The following DLG5 variants were observed in gnomAD, a reference collection of about 807,000 sequenced individuals.
The protein encoded by DLG5 is discs large MAGUK scaffold protein 5.
A neutral mutation model predicts 189.8 loss-of-function variants in DLG5; 48 were observed. The ratio of observed to expected loss-of-function variants is 0.25; its 90% CI spans 0.20 to 0.32. DLG5 has a LOEUF of 0.32. DLG5 is among the 10% of genes least tolerant of loss of function. The pLI is 1.00. For synonymous variants in DLG5, 1,016 were observed against 1,054.1 expected, an observed-to-expected ratio of 0.96 and a Z score of 0.70; for missense variants, 2,160 against 2,544.7, an observed-to-expected ratio of 0.85 and a Z score of 3.25.
chr10:77,797,632 G>A (rs910944007), intron 27 of DLG5, among the ~76,000 whole-genome samples: 1 of 152,178 alleles, frequency 6.6e-6, no homozygotes, highest in Admixed American at 6.5e-5. Context: ...TGGAGATGAT[G>A]GGGAGGGCAG....
At chr10:77,908,288 A>G (rs188403918) in intron 1 of DLG5, among the ~76,000 whole-genome samples, 4 of 152,312 alleles carry the variant, frequency 2.6e-5, no homozygotes, top group Non-Finnish European at 5.9e-5. Context: ...CAACTCACAG[A>G]CAGCCAGTCA....
rs1008262705 is a variant in DLG5 at position 77,916,060 on chromosome 10, T to C, written c.304+10157A>G. Among the ~76,000 whole-genome samples, 4 of 148,752 alleles carry C rather than the reference T, an allele frequency of 2.7e-5. No homozygotes were observed. In the East Asian group the frequency reaches 7.9e-4, roughly 29 times the overall value. ...AGTGAGACCTTGTCTCTACTAAAAA[T>C]AAAAAAAAAATTAGCTGGGCATGGT... On this transcript the variant is annotated intron_variant, in intron 1 of 31. Transcript: ENST00000372391.
chr10:77,819,885 G>A lies in DLG5; in HGVS notation c.3526+10C>T. The A allele has an allele frequency of 6.5e-7, 1 of 1,543,340 alleles. No individual in the cohort carries two copies. Among genetic ancestry groups the A allele is most frequent in the Non-Finnish European group, 8.7e-7 (1 of 1,147,854 alleles). On this transcript the variant is annotated intron_variant, in intron 16 of 31. Transcript: ENST00000372391. ...GACCCTCAGCCCCAGCCCCTGGCTG[G>A]CTGACTCACCCACAGACGGCCTGCT...
At chr10:77,798,841 T>C (rs1426293799) in intron 27 of DLG5, among the ~76,000 whole-genome samples, 3 of 152,172 alleles carry the variant, frequency 2.0e-5, no homozygotes, top group Non-Finnish European at 4.4e-5. Flanking sequence ...AATATAGTGC[T>C]TAAAAGAATG....
intron 1 of DLG5, among the ~76,000 whole-genome samples, chr10:77,914,736 G>A (rs959643825): frequency 6.6e-6 from 1 of 151,984 alleles, no homozygotes; most frequent in Non-Finnish European, 1.5e-5. Context: ...ACCTCCCAGG[G>A]GCTCAGCAAA....
rs556893810 is a variant in DLG5, at chr10:77,897,454, A to C, written c.305-28257T>G. 7.2e-5 allele frequency among the ~76,000 whole-genome samples: 11 copies of C among 152,308 alleles called. No individual in the cohort carries two copies. In the South Asian group the frequency reaches 2.1e-3, roughly 29 times the overall value. On this transcript the variant is annotated intron_variant, in intron 1 of 31. Coordinates refer to ENST00000372391, the MANE Select transcript of DLG5 (RefSeq NM_004747.4). ...TGTTGTGCTACTGCTGCCATGTTTC[A>C]TGTACCCCAAAAGGGAAAATATCCT...
chr10:77,825,852 C>T (rs545677470), intron 13 of DLG5, among the ~76,000 whole-genome samples: 4 of 152,232 alleles, frequency 2.6e-5, no homozygotes, highest in Non-Finnish European at 2.9e-5. Context: ...CCACCATGCC[C>T]GGCCAGTCAA....
chr10:77,818,827 C>T (rs1842191678), intron 17 of DLG5, among the ~76,000 whole-genome samples: 2 of 151,916 alleles, frequency 1.3e-5, no homozygotes, highest in African/African-American at 4.8e-5. Flanking sequence ...AACCACACGA[C>T]ATGAGCTAGA....
Position 77,822,066 on chromosome 10 carries a change from G to A in DLG5, c.2418C>T (p.Asn806=). 9 of 1,614,024 alleles carry A rather than the reference G, an allele frequency of 5.6e-6. No individual in the cohort carries two copies. The highest frequency in any genetic ancestry group is 5.9e-6 in the Non-Finnish European group (7 of 1,179,966). ...CAGAGTCTTTGATATTTTCAAAAAT[G>A]TTCTGGCCACTCCACGAGGAGCTCT... ...FPQSSSWSGQ[N]IFENIKDSDK... The change falls in exon 15 of 32, where the codon AAC becomes AAT. Residue 806 remains asparagine, a synonymous_variant. Transcript: ENST00000372391.
At chr10:77,923,654 G>A (rs1404485005) in intron 1 of DLG5, among the ~76,000 whole-genome samples, 2 of 152,100 alleles carry the variant, frequency 1.3e-5, no homozygotes, top group Admixed American at 6.5e-5. Flanking sequence ...GCTACTTGCG[G>A]GGCTGAGGCA....
At chr10:77,893,455 G>C (rs1311783555) in intron 1 of DLG5, among the ~76,000 whole-genome samples, 1 of 152,242 alleles carries the variant, frequency 6.6e-6, no homozygotes, top group Admixed American at 6.5e-5. Flanking sequence ...ACAAGGTCGA[G>C]AGAGGCCATC....
chr10:77,842,886 A>G (rs979821634), intron 6 of DLG5, among the ~76,000 whole-genome samples: 1 of 152,240 alleles, frequency 6.6e-6, no homozygotes, highest in Non-Finnish European at 1.5e-5. Context: ...TCTGGGTTCA[A>G]CCTGGCAATG....
chr10:77,904,300 G>C (rs1325909891), intron 1 of DLG5, among the ~76,000 whole-genome samples: 1 of 152,088 alleles, frequency 6.6e-6, no homozygotes, highest in African/African-American at 2.4e-5. Flanking sequence ...CAGCCATGTG[G>C]AACTGTTCAT....
intron 17 of DLG5, among the ~76,000 whole-genome samples, 165 bp from the exon 18 acceptor site, chr10:77,818,054 G>A (rs1158591611): frequency 6.6e-6 from 1 of 152,104 alleles, no homozygotes; most frequent in East Asian, 1.9e-4. Flanking sequence ...AGCCACTCCC[G>A]GAGGTGGCAT....
At chr10:77,924,892 A>G (rs183970929) in intron 1 of DLG5, among the ~76,000 whole-genome samples, 26 of 152,328 alleles carry the variant, frequency 1.7e-4, no homozygotes, top group Middle Eastern at 3.4e-3. Flanking sequence ...GGCCAACGTA[A>G]GAGAGCTGTT....
intron 1 of DLG5, among the ~76,000 whole-genome samples, chr10:77,918,722 C>T (rs961673229): frequency 1.8e-4 from 28 of 152,200 alleles, no homozygotes; most frequent in African/African-American, 6.3e-4. Flanking sequence ...AATTTCCCCC[C>T]AGCGCAATCC....
chr10:77,852,086 G>A (rs1438111125), intron 5 of DLG5, among the ~76,000 whole-genome samples: 1 of 152,106 alleles, frequency 6.6e-6, no homozygotes, highest in Non-Finnish European at 1.5e-5. Flanking sequence ...AGAATAACAG[G>A]AATTGGCTGG....
intron 20 of DLG5, 34 bp from the exon 21 acceptor site, chr10:77,812,411 G>A: frequency 6.3e-7 from 1 of 1,596,338 alleles, no homozygotes; most frequent in South Asian, 1.1e-5. Flanking sequence ...GGGACTCAGG[G>A]TCAAACAAAA....
intron 1 of DLG5, among the ~76,000 whole-genome samples, chr10:77,901,599 T>C (rs1222679905): frequency 6.6e-6 from 1 of 152,238 alleles, no homozygotes; most frequent in East Asian, 1.9e-4. Flanking sequence ...GGGAGGCACC[T>C]TGGGGCCTCC....
Sources: gnomAD v4.1 joint callset for allele counts (sites outside exome capture counted in the v4.1 genomes callset) on GRCh38, gnomAD v4.1.1 for gene constraint, MANE v1.5 for transcripts, NCBI Gene and HGNC (gene_info 2026-07-23, HGNC 2026-07-21) for gene names.